KIF2C: variants seen among roughly 807,000 people sequenced by gnomAD.
KIF2C encodes the protein kinesin family member 2C, also known as kinesin-like protein KIF2C.
A neutral mutation model predicts 97.4 loss-of-function variants in KIF2C; 34 were observed. That is an observed-to-expected ratio of 0.35 (90% CI 0.27 to 0.46). The LOEUF (loss-of-function observed/expected upper bound fraction) is 0.46. KIF2C is among the 20% of genes least tolerant of loss of function. KIF2C has a pLI of 1.00. For missense variants in KIF2C, 750 were observed against 907.6 expected (o/e 0.83, Z 2.23); for synonymous variants, 313 against 318.2 (o/e 0.98, Z 0.17).
Position 44,746,598 on chromosome 1 carries a change from C to T in KIF2C, c.166-786C>T, listed in dbSNP as rs947019420. On this transcript the variant is annotated intron_variant, in intron 2 of 20. Coordinates refer to ENST00000372224, the MANE Select transcript of KIF2C (RefSeq NM_006845.4). ...GAGGTGCTTGGGGGGCTGTGCCCAG[C>T]AGGACCTCACTGCCCAGCAGATCAG... 7 of 1,428,122 alleles carry T rather than the reference C, an allele frequency of 4.9e-6. No individual in the cohort carries two copies. The Admixed American group carries it at 1.5e-4, about 31-fold the overall frequency. 88.5% of individuals were successfully genotyped at this position (1,428,122 alleles called of 1,614,324 possible). A position where few individuals can be genotyped will look rare whatever the true frequency, so the allele number is the denominator to read the frequency against.
intron 2 of KIF2C, among the ~76,000 whole-genome samples, chr1:44,741,743 CT>C (rs2148819708): frequency 6.6e-6 from 1 of 152,138 alleles, no homozygotes; most frequent in African/African-American, 2.4e-5. Context: ...AATCCCAGCA[CT>C]TTGGGAGGCC....
intron 10 of KIF2C, among the ~76,000 whole-genome samples, chr1:44,756,626 C>T (rs927534565): frequency 6.9e-6 from 1 of 145,636 alleles, no homozygotes. Context: ...AATCTCGGCT[C>T]ACTGCAACCT....
At chr1:44,746,530 C>T in intron 2 of KIF2C, 1 of 1,327,534 alleles carries the variant, frequency 7.5e-7, no homozygotes, top group Non-Finnish European at 9.6e-7. Context: ...TTGACTCTCA[C>T]CAGACAGTTA....
At position 44,760,246 on chromosome 1, in the gene KIF2C, GA is replaced by G; in HGVS notation, c.1368-33del. ...GGACTTGGGTGCCATGGGGGCTGGTGACCACAGAATCTCATAACCTTTCTTT... is the reference window on the plus strand; with the variant it reads ...GGACTTGGGTGCCATGGGGGCTGGTGCCACAGAATCTCATAACCTTTCTTT... On this transcript the variant is annotated intron_variant, in intron 14 of 20. Transcript: ENST00000372224. This position sits in a 1 kb window ranked among gnomAD's most constrained non-coding sequence, Gnocchi z 4.2. 2 of 1,601,782 alleles carry G rather than the reference GA, an allele frequency of 1.2e-6. No homozygotes were observed. The highest frequency in any genetic ancestry group is 1.7e-6 in the Non-Finnish European group (2 of 1,169,948).
At chr1:44,758,336 C>G (rs535754595) in intron 13 of KIF2C, among the ~76,000 whole-genome samples, 196 bp downstream of exon 13, 1 of 152,152 alleles carries the variant, frequency 6.6e-6, no homozygotes, top group Non-Finnish European at 1.5e-5. Flanking sequence ...AGAAGTATGG[C>G]AAGAATACTC....
At position 44,759,215 on chromosome 1, in the gene KIF2C, C is replaced by A. The variant is rs544746489; in HGVS notation, c.1234C>A (p.Leu412Met). The A allele has an allele frequency of 6.2e-7, 1 of 1,614,086 alleles. No individual in the cohort carries two copies. The highest frequency in any genetic ancestry group is 2.2e-5 in the East Asian group (1 of 44,884). The change falls in exon 14 of 21, where the codon CTG (leucine) becomes ATG (methionine). Residue 412 changes from leucine to methionine, a missense_variant. Physicochemically the swap from Leu to Met is conservative, Grantham distance 15 (BLOSUM62 2). Transcript: ENST00000372224. ...FEIYNGKLFD[L>M]LNKKAKLRVL... ...CCCCTGCCTGGCACAGCTGTTTGACCTGCTCAACAAGAAGGCCAAGCTGCG... is the reference window on the plus strand; with the variant it reads ...CCCCTGCCTGGCACAGCTGTTTGACATGCTCAACAAGAAGGCCAAGCTGCG...
At chr1:44,751,257 G>A (rs1043795918) in intron 5 of KIF2C, among the ~76,000 whole-genome samples, 2 of 151,958 alleles carry the variant, frequency 1.3e-5, no homozygotes, top group East Asian at 1.9e-4. Context: ...GTGCAATGGC[G>A]TGGTCTTGGC....
intron 2 of KIF2C, chr1:44,746,698 T>C: frequency 6.2e-7 from 1 of 1,604,148 alleles, no homozygotes; most frequent in Non-Finnish European, 8.5e-7. Flanking sequence ...CCTCTTCACC[T>C]CATTCTCATC....
intron 19 of KIF2C, among the ~76,000 whole-genome samples, chr1:44,766,027 G>T (rs1375150002): frequency 6.6e-6 from 1 of 151,518 alleles, no homozygotes; most frequent in African/African-American, 2.4e-5. Flanking sequence ...ACTCCAACCT[G>T]GCGACAGAGC....
At position 44,750,493 on chromosome 1, in the gene KIF2C, C is replaced by T. The variant is rs745874546; in HGVS notation, c.368C>T (p.Thr123Met). ...TCCACTGTCTCAGAGCTTCGCATCA[C>T]GGCTCAGGAGAATGACATGGAGGTG... is the stretch of plus-strand genomic sequence containing the variant. Reference protein sequence around the residue: ...RMSTVSELRITAQENDMEVEL... With the variant: ...RMSTVSELRIMAQENDMEVEL... The change falls in exon 5 of 21, where the codon ACG becomes ATG. Residue 123 changes from threonine (T) to methionine (M), a missense_variant. Physicochemically the swap from Thr to Met is moderately conservative, Grantham distance 81 (BLOSUM62 -1). Transcript: ENST00000372224. The T allele has an allele frequency of 3.6e-5, 57 of 1,593,884 alleles. 1 individual carries two copies. In the South Asian group the frequency reaches 5.2e-4, roughly 14 times the overall value.
At chr1:44,754,885 AT>A in intron 8 of KIF2C, 40 bp downstream of exon 8, 1 of 1,226,220 alleles carries the variant, frequency 8.2e-7, no homozygotes, top group Non-Finnish European at 1.2e-6. Context: ...TAAGTGTACA[AT>A]TGAGAGACAG....
intron 19 of KIF2C, 38 bp from the exon 20 acceptor site, chr1:44,766,788 A>G: frequency 1.2e-6 from 2 of 1,608,698 alleles, no homozygotes; most frequent in Non-Finnish European, 1.7e-6. Flanking sequence ...GATTTGCTAA[A>G]TGGTTATTGA....
chr1:44,750,312 T>G, intron 4 of KIF2C, 130 bp from the exon 5 acceptor site: 2 of 957,474 alleles, frequency 2.1e-6, no homozygotes, highest in Non-Finnish European at 2.8e-6. Context: ...TTCTAAGGAA[T>G]ATGGGAAGTT....
chr1:44,749,124 C>G (rs1649373579), intron 4 of KIF2C, among the ~76,000 whole-genome samples: 1 of 152,088 alleles, frequency 6.6e-6, no homozygotes, highest in African/African-American at 2.4e-5. Context: ...TGGTGAAACC[C>G]TGTCTCTATT....
chr1:44,751,822 T>TC (rs1372756751), intron 5 of KIF2C, among the ~76,000 whole-genome samples: 2 of 360 alleles, frequency 5.6e-3, no homozygotes, highest in Non-Finnish European at 0.023. Context: ...TTTTTATACC[T>TC]TTTTTTTTTT....
intron 13 of KIF2C, among the ~76,000 whole-genome samples, 162 bp downstream of exon 13, chr1:44,758,302 A>T (rs1649950131): frequency 6.6e-6 from 1 of 152,174 alleles, no homozygotes; most frequent in Non-Finnish European, 1.5e-5. Flanking sequence ...GTTTAATCTG[A>T]TGGTGAGATG....
chr1:44,740,126 C>T (rs1035414831), intron 1 of KIF2C, 124 bp downstream of exon 1: 1 of 1,156,302 alleles, frequency 8.6e-7, no homozygotes. Context: ...TTTTCACACG[C>T]ACTCACTCCG....
At chr1:44,748,778 C>T (rs1156369321) in intron 4 of KIF2C, among the ~76,000 whole-genome samples, 1 of 150,562 alleles carries the variant, frequency 6.6e-6, no homozygotes, top group Admixed American at 6.6e-5. Flanking sequence ...AACTCCTGGC[C>T]TCAAGTGATC....
Position 44,767,119 on chromosome 1 carries a change from G to C in KIF2C, c.2118G>C (p.Leu706=), listed in dbSNP as rs1433375897. 1.2e-6 allele frequency: 2 copies of C among 1,614,132 alleles called. No individual in the cohort carries two copies. The highest frequency in any genetic ancestry group is 2.2e-5 in the South Asian group (2 of 91,070). The change falls in exon 21 of 21, where the codon CTG becomes CTC. Residue 706 remains leucine (L), a synonymous_variant. Transcript: ENST00000372224. The stretch of plus-strand genomic sequence containing the variant: ...CAGATGTCATCAAGGCCTTGCGCCT[G>C]GCCATGCAGCTGGAAGAGCAGGCTA... ...ALRDVIKALR[L]AMQLEEQASR... is the part of the protein sequence containing the mutation.
Sources: allele counts gnomAD v4.1 joint callset (sites outside exome capture counted in the v4.1 genomes callset), GRCh38; gene constraint gnomAD v4.1.1; non-coding constraint Gnocchi (gnomAD v3.1); transcripts MANE v1.5; gene names NCBI Gene and HGNC (gene_info 2026-07-23, HGNC 2026-07-21).